The following ARHGAP15 variants were observed in gnomAD, a reference collection of about 807,000 sequenced individuals.
ARHGAP15 encodes rho GTPase-activating protein 15.
In ARHGAP15, 51 loss-of-function variants were observed where a neutral mutation model predicts 63.7. The ratio of observed to expected loss-of-function variants is 0.80; its 90% CI spans 0.64 to 1.01. The LOEUF (loss-of-function observed/expected upper bound fraction) is 1.01. Ranked by LOEUF, ARHGAP15 falls within the 50% of genes least tolerant of loss-of-function variation. The pLI is 0.00. For synonymous variants in ARHGAP15, 191 were observed against 193.8 expected (o/e 0.99, Z 0.12); for missense variants, 560 against 564.6 (o/e 0.99, Z 0.08).
At chr2:143,662,070 A>C (rs1303175174) in intron 12 of ARHGAP15, among the ~76,000 whole-genome samples, 6 of 152,254 alleles carry the variant, frequency 3.9e-5, no homozygotes, top group African/African-American at 1.4e-4. Flanking sequence ...AGCCCACCAC[A>C]GCTCAAGAAG....
At chr2:143,581,830 C>G (rs1250931428) in intron 11 of ARHGAP15, among the ~76,000 whole-genome samples, 1 of 152,162 alleles carries the variant, frequency 6.6e-6, no homozygotes, top group East Asian at 1.9e-4. Context: ...CTCTCATCTT[C>G]AAAGACAATT....
chr2:143,321,261 G>A (rs1684007122), intron 6 of ARHGAP15, among the ~76,000 whole-genome samples: 1 of 152,228 alleles, frequency 6.6e-6, no homozygotes, highest in South Asian at 2.1e-4. Flanking sequence ...CCAGTCCAAT[G>A]TTAGGTCATG....
intron 6 of ARHGAP15, among the ~76,000 whole-genome samples, chr2:143,333,345 A>G (rs2105264829): frequency 6.6e-6 from 1 of 152,338 alleles, no homozygotes; most frequent in Non-Finnish European, 1.5e-5. Context: ...GGTGAACTTT[A>G]TCAAATGCCA....
intron 6 of ARHGAP15, among the ~76,000 whole-genome samples, chr2:143,352,793 A>G (rs866202029): frequency 1.3e-5 from 2 of 152,214 alleles, no homozygotes; most frequent in African/African-American, 4.8e-5. Context: ...TAGGCAGATT[A>G]TTTCCACATA....
chr2:143,478,856 C>T (rs890367909), intron 8 of ARHGAP15, among the ~76,000 whole-genome samples: 2 of 152,168 alleles, frequency 1.3e-5, no homozygotes, highest in Middle Eastern at 3.2e-3. Context: ...CTCAAACTAT[C>T]TGCACATGTC....
chr2:143,405,074 A>C (rs1357782312), intron 6 of ARHGAP15, among the ~76,000 whole-genome samples: 2 of 151,858 alleles, frequency 1.3e-5, no homozygotes, highest in Admixed American at 6.6e-5. Context: ...TAGGTGAAAA[A>C]TCAAGGTGAA....
intron 4 of ARHGAP15, among the ~76,000 whole-genome samples, chr2:143,226,095 T>C (rs16858902): frequency 0.17 from 26,001 of 152,230 alleles, 2,416 homozygotes; most frequent in Middle Eastern, 0.25. Context: ...GCTAAGGTTT[T>C]GAGACCTGCA....
intron 2 of ARHGAP15, among the ~76,000 whole-genome samples, chr2:143,197,613 A>G (rs977444870): frequency 2.0e-5 from 3 of 152,014 alleles, no homozygotes; most frequent in African/African-American, 7.2e-5. Flanking sequence ...CCTAAGTCAT[A>G]AGTCTCAGTC....
At chr2:143,441,692 C>T (rs1022293171) in intron 8 of ARHGAP15, among the ~76,000 whole-genome samples, 9 of 152,156 alleles carry the variant, frequency 5.9e-5, no homozygotes, top group Middle Eastern at 3.4e-3. Flanking sequence ...CCTTGGATAA[C>T]TTGAAAATAA....
Position 143,613,745 on chromosome 2 carries a change from G to A in ARHGAP15, c.1004-10388G>A, listed in dbSNP as rs1698348338. 2.0e-5 allele frequency among the ~76,000 whole-genome samples: 3 copies of A among 152,044 alleles called. No homozygotes were observed. In the South Asian group the frequency reaches 6.2e-4, roughly 32 times the overall value. On this transcript the variant is annotated intron_variant, in intron 11 of 13. Transcript: ENST00000295095. ...TCTTATTAACTGACTTCTTTTAAAA[G>A]CATTTTTTTCCACAGTGAATATCCA...
intron 8 of ARHGAP15, among the ~76,000 whole-genome samples, chr2:143,481,231 G>A (rs34228014): frequency 0.039 from 5,976 of 151,996 alleles, 152 homozygotes; most frequent in Non-Finnish European, 0.06. Flanking sequence ...AGAGCTCCTA[G>A]CTGCTAACAA....
chr2:143,152,815 C>G (rs775019114), intron 1 of ARHGAP15, among the ~76,000 whole-genome samples: 4 of 151,686 alleles, frequency 2.6e-5, no homozygotes, highest in Non-Finnish European at 2.9e-5. Context: ...GAGGGGGTGT[C>G]AACAAAATGT....
chr2:143,562,562 A>G (rs1696076680), intron 11 of ARHGAP15, among the ~76,000 whole-genome samples: 1 of 152,200 alleles, frequency 6.6e-6, no homozygotes, highest in Non-Finnish European at 1.5e-5. Flanking sequence ...AAGTTGAATC[A>G]TTGATATTGC....
At chr2:143,481,306 G>A (rs1692070803) in intron 8 of ARHGAP15, among the ~76,000 whole-genome samples, 1 of 152,080 alleles carries the variant, frequency 6.6e-6, no homozygotes, top group South Asian at 2.1e-4. Flanking sequence ...AGAACAAGTA[G>A]TGTAGAAAGC....
chr2:143,344,343 T>G (rs980008728), intron 6 of ARHGAP15: 1 of 152,138 alleles, frequency 6.6e-6, no homozygotes, highest in Non-Finnish European at 1.5e-5. Context: ...TATGTAAATA[T>G]CAACAAGTTT....
chr2:143,421,744 T>A (rs1184916579), intron 6 of ARHGAP15, among the ~76,000 whole-genome samples: 1 of 151,222 alleles, frequency 6.6e-6, no homozygotes, highest in East Asian at 1.9e-4. Flanking sequence ...TATACATATA[T>A]AAATGAACAT....
At chr2:143,673,566 G>A (rs1223849818) in intron 12 of ARHGAP15, among the ~76,000 whole-genome samples, 1 of 150,978 alleles carries the variant, frequency 6.6e-6, no homozygotes, top group Non-Finnish European at 1.5e-5. Context: ...CCAAAGTGCT[G>A]GGATTACAGG....
intron 12 of ARHGAP15, among the ~76,000 whole-genome samples, chr2:143,677,026 C>CA (rs1165636213): frequency 3.3e-5 from 5 of 152,030 alleles, no homozygotes; most frequent in Non-Finnish European, 4.4e-5. Context: ...AATTTTACTT[C>CA]AAAAAAAGGA....
At chr2:143,277,882 T>C (rs1165947397) in intron 6 of ARHGAP15, among the ~76,000 whole-genome samples, 2 of 152,142 alleles carry the variant, frequency 1.3e-5, no homozygotes, top group Admixed American at 6.6e-5. Context: ...TTTATAGATA[T>C]AGACTATGCA....
Sources: allele counts gnomAD v4.1 joint callset (sites outside exome capture counted in the v4.1 genomes callset), GRCh38; gene constraint gnomAD v4.1.1; transcripts MANE v1.5; gene names NCBI Gene and HGNC (gene_info 2026-07-23, HGNC 2026-07-21).